Variants in CELF2 observed in about 807,000 individuals in gnomAD.
CELF2 encodes the protein CUG triplet repeat RNA-binding protein 2.
CELF2 carries 8 observed loss-of-function variants against 62.6 expected under a neutral mutation model. The observed-to-expected ratio is 0.13, with a 90% CI of 0.07 to 0.23. CELF2 has a LOEUF of 0.23. Among genes scored for constraint, CELF2 ranks in the 10% least tolerant of loss-of-function variants. The probability of loss-of-function intolerance (pLI) is 1.00; values close to 1 mark genes in which losing one functional copy is unlikely to be tolerated. For synonymous variants in CELF2, 258 were observed against 250.0 expected (o/e 1.03, Z -0.30); for missense variants, 333 against 671.0 (o/e 0.50, Z 5.56).
At chr10:11,197,016 G>GAAAGAAAAGAAAGAAAGAAAGA (rs1554936120) in intron 2 of CELF2, among the ~76,000 whole-genome samples, 368 of 12,128 alleles carry the variant, frequency 0.03, 68 homozygotes, top group African/African-American at 0.14. Flanking sequence ...AAGAAAGAAA[G>GAAAGAAAAGAAAGAAAGAAAGA]AAAGAAAGAA....
the CELF2 span, among the ~76,000 whole-genome samples, chr10:10,524,913 T>C: frequency 6.6e-6 from 1 of 152,342 alleles, no homozygotes; most frequent in Admixed American, 6.5e-5. Flanking sequence ...TAAATATGCA[T>C]GTATGCATAT....
At chr10:11,226,868 T>C (rs1172994967) in intron 3 of CELF2, among the ~76,000 whole-genome samples, 2 of 152,220 alleles carry the variant, frequency 1.3e-5, no homozygotes, top group Admixed American at 1.3e-4. Flanking sequence ...CGAAAGTGAT[T>C]ATAAATGCAC....
chr10:10,536,733 G>C, the CELF2 span, among the ~76,000 whole-genome samples: 1 of 152,208 alleles, frequency 6.6e-6, no homozygotes, highest in Non-Finnish European at 1.5e-5. Flanking sequence ...TTTTAACAGA[G>C]AGAATTTAAT....
the CELF2 span, among the ~76,000 whole-genome samples, chr10:10,765,554 G>A: frequency 1.4e-4 from 21 of 152,290 alleles, 1 homozygote; most frequent in South Asian, 2.1e-4. Flanking sequence ...ACAAGATGCC[G>A]TAAGAGGAAA....
chr10:11,126,149 G>A lies in CELF2; in HGVS notation c.75-39337G>A, dbSNP rs559773162. ...ACCAAGTAAGGATGAGTTCATTTAC[G>A]ATGATTAATGTTTTCCTAAGTTTCC... On this transcript the variant is annotated intron_variant, in intron 1 of 12. Transcript: ENST00000633077. Among the ~76,000 whole-genome samples, 12 of 152,316 alleles carry A rather than the reference G, an allele frequency of 7.9e-5. No individual in the cohort carries two copies. In the South Asian group the frequency reaches 2.1e-3, roughly 26 times the overall value.
In CELF2 at chr10:11,305,166, G is replaced by A. The variant is rs1036882469; in HGVS notation, c.977-8973G>A. Among the ~76,000 whole-genome samples the A allele has an allele frequency of 3.9e-5, 6 of 152,206 alleles. No homozygotes were observed. The highest frequency in any genetic ancestry group is 1.4e-4 in the African/African-American group (6 of 41,456). On this transcript the variant is annotated intron_variant, in intron 9 of 12. Coordinates refer to ENST00000633077, the MANE Select transcript of CELF2 (RefSeq NM_001326342.2). The surrounding 1 kb of genome is among the most constrained non-coding windows in gnomAD (Gnocchi z 4.8). ...AATCCAAGGCTGGTGAGGGGCTAGG[G>A]GGAGGTGGTCCAGGTTATCCACATA...
At chr10:10,491,792 T>G in the CELF2 span, among the ~76,000 whole-genome samples, 11,971 of 152,280 alleles carry the variant, frequency 0.079, 651 homozygotes, top group Non-Finnish European at 0.12. Flanking sequence ...GCTAGTTGTC[T>G]ATGTCTTTCT....
At chr10:11,060,499 A>G (rs967001668) in intron 1 of CELF2, among the ~76,000 whole-genome samples, 1 of 152,178 alleles carries the variant, frequency 6.6e-6, no homozygotes, top group African/African-American at 2.4e-5. Context: ...CCTACCCTCA[A>G]TGCTCCTGTC....
the CELF2 span, among the ~76,000 whole-genome samples, chr10:10,757,480 G>C: frequency 6.6e-6 from 1 of 152,082 alleles, no homozygotes; most frequent in South Asian, 2.1e-4. Context: ...GAATAAAATA[G>C]ACTAACTCTG....
At chr10:10,529,532 A>G in the CELF2 span, among the ~76,000 whole-genome samples, 3 of 151,918 alleles carry the variant, frequency 2.0e-5, no homozygotes, top group African/African-American at 7.3e-5. Flanking sequence ...AAAAATACAA[A>G]AATTAGGTGG....
chr10:10,703,235 T>C, the CELF2 span, among the ~76,000 whole-genome samples: 2 of 152,190 alleles, frequency 1.3e-5, no homozygotes, highest in Non-Finnish European at 2.9e-5. Flanking sequence ...GTTACAACTC[T>C]ATAGAGTTGT....
chr10:10,697,075 A>T, the CELF2 span, among the ~76,000 whole-genome samples: 5 of 152,074 alleles, frequency 3.3e-5, no homozygotes, highest in Non-Finnish European at 7.4e-5. Context: ...TAATAACATG[A>T]TTAACACATG....
chr10:11,300,836 A>G lies in CELF2; in HGVS notation c.976+12284A>G, dbSNP rs2093648589. On this transcript the variant is annotated intron_variant, in intron 9 of 12. Coordinates refer to ENST00000633077, the MANE Select transcript of CELF2 (RefSeq NM_001326342.2). This position sits in a 1 kb window ranked among gnomAD's most constrained non-coding sequence, Gnocchi z 5.5. ...AATGCAGGCGATTTTCTCCGTGTTT[A>G]CAATGATTTTATTTCCTAAACCACA... 6.6e-6 allele frequency among the ~76,000 whole-genome samples: 1 copy of G among 152,066 alleles called. No individual in the cohort carries two copies. The highest frequency in any genetic ancestry group is 2.4e-5 in the African/African-American group (1 of 41,298).
At chr10:11,313,368 C>G (rs1320782381) in intron 9 of CELF2, among the ~76,000 whole-genome samples, 3 of 152,188 alleles carry the variant, frequency 2.0e-5, no homozygotes, top group Non-Finnish European at 4.4e-5. Context: ...ACAGATCAGG[C>G]AGGCCAAGAA....
chr10:10,694,263 T>A, the CELF2 span, among the ~76,000 whole-genome samples: 120 of 152,292 alleles, frequency 7.9e-4, 1 homozygote, highest in East Asian at 0.018. Context: ...CTTCATTTCG[T>A]TGTGTACCCA....
chr10:11,134,144 C>G (rs1160429256), intron 1 of CELF2, among the ~76,000 whole-genome samples: 7 of 152,124 alleles, frequency 4.6e-5, no homozygotes, highest in African/African-American at 1.7e-4. Context: ...CTTCCTTGTG[C>G]CTGAATGAAT....
chr10:11,111,919 G>T (rs2055279723), intron 1 of CELF2, among the ~76,000 whole-genome samples: 1 of 152,214 alleles, frequency 6.6e-6, no homozygotes, highest in South Asian at 2.1e-4. Context: ...GAGGAGGAGA[G>T]ACCTATTCTT....
chr10:10,627,292 C>G, the CELF2 span, among the ~76,000 whole-genome samples: 1 of 152,146 alleles, frequency 6.6e-6, no homozygotes, highest in East Asian at 1.9e-4. Flanking sequence ...TTTTGGCTCT[C>G]TAGGAATGAT....
chr10:10,832,086 G>T (rs572013075), intron 1 of CELF2, among the ~76,000 whole-genome samples: 1 of 151,822 alleles, frequency 6.6e-6, no homozygotes, highest in Non-Finnish European at 1.5e-5. Context: ...TGGCCAACGT[G>T]GTAAAACCCT....
Sources: gnomAD v4.1 joint callset for allele counts (sites outside exome capture counted in the v4.1 genomes callset) on GRCh38, gnomAD v4.1.1 for gene constraint, Gnocchi (gnomAD v3.1) non-coding constraint, MANE v1.5 for transcripts, NCBI Gene and HGNC (gene_info 2026-07-23, HGNC 2026-07-21) for gene names.